FAN1: variants seen among roughly 807,000 people sequenced by gnomAD.
FAN1 encodes fanconi-associated nuclease 1.
Under a neutral mutation model 104.9 loss-of-function variants are expected in FAN1, and 91 were observed. The observed-to-expected ratio is 0.87, with a 90% CI of 0.73 to 1.03. FAN1 has a LOEUF of 1.03. Among genes scored for constraint, FAN1 ranks in the 50% least tolerant of loss-of-function variants. FAN1 has a pLI of 0.00. For synonymous variants in FAN1, 478 were observed against 457.6 expected, an observed-to-expected ratio of 1.04 and a Z score of -0.57; for missense variants, 1,263 against 1,239.9, an observed-to-expected ratio of 1.02 and a Z score of -0.28.
In FAN1 at chr15:30,905,707, C is replaced by T. The variant is rs761437826; in HGVS notation, c.1044C>T (p.Asn348=). Residue 348 remains asparagine (N), a synonymous_variant, in exon 2 of 15, where the codon AAC becomes AAT. Transcript: ENST00000362065. ...CTCTGCAGGATGACAGTTGCTTAAA[C>T]AATGATATCCCTCACAGCATTCCTT... ...EAPLQDDSCL[N]NDIPHSIPLE... is the part of the protein sequence containing the mutation. 2 of 1,614,122 alleles carry T rather than the reference C, an allele frequency of 1.2e-6. No homozygotes were observed. Among genetic ancestry groups the T allele is most frequent in the South Asian group, 2.2e-5 (2 of 91,078 alleles).
At chr15:30,906,156 T>G (rs2061974318) in intron 2 of FAN1, among the ~76,000 whole-genome samples, 1 of 152,246 alleles carries the variant, frequency 6.6e-6, no homozygotes. Context: ...TGTTTTTCTT[T>G]TATAGGTACA....
rs1192191276 is a variant in FAN1 at position 30,925,237 on chromosome 15, G to T, written c.2283G>T (p.Lys761Asn). 1 of 1,614,012 alleles carries T rather than the reference G, an allele frequency of 6.2e-7. No individual in the cohort carries two copies. The highest frequency in any genetic ancestry group is 8.5e-7 in the Non-Finnish European group (1 of 1,180,044). The stretch of plus-strand genomic sequence containing the variant: ...TGCGAGAGTCTCCGAGCTGTAAAAA[G>T]TTCAAGCACCTCTTCCAGCAGCTCC... ...VRLRESPSCKKFKHLFQQLPE... is the reference protein window; with the variant it reads ...VRLRESPSCKNFKHLFQQLPE... The change falls in exon 9 of 15, where the codon AAG (lysine) becomes AAT (asparagine). Residue 761 changes from lysine to asparagine, a missense_variant. By Grantham distance (94) the Lys-to-Asn change is moderately conservative (BLOSUM62 0). Around this residue, in one of 2 missense-constraint regions of FAN1, gnomAD observed 581 missense variants for 668.8 expected, o/e 0.87. Transcript: ENST00000362065.
rs764995404 is a variant in FAN1 at position 30,913,906 on chromosome 15, G to A, written c.1626G>A (p.Arg542=). The A allele has an allele frequency of 9.3e-6, 15 of 1,614,024 alleles. 1 individual carries two copies. The Admixed American group carries it at 1.5e-4, about 16-fold the overall frequency. The change falls in exon 5 of 15, where the codon AGG becomes AGA. Residue 542 remains arginine (R), a synonymous_variant. Transcript: ENST00000362065. ...CAGTACGAATCTGTAAAGGCCCCAG[G>A]GCTGTGTTTTCCCGCATCTTGCTAC... The part of the protein sequence containing the change: ...GQSVRICKGP[R]AVFSRILLLF...
At position 30,908,253 on chromosome 15, in the gene FAN1, A is replaced by G; in HGVS notation, c.1370A>G (p.Gln457Arg). ...IEELTNAGFL[Q>R]TESELQELSE... ...GAATTGACGAATGCAGGCTTTCTAC[A>G]GACAGGTATGACTAGTAGAAGGAGA... Residue 457 changes from glutamine (Q) to arginine (R), a missense_variant, in exon 3 of 15, where the codon CAG (glutamine) becomes CGG (arginine). This residue lies in a region of FAN1 where 682 missense variants were observed against 571.1 expected (regional missense o/e 1.19). Transcript: ENST00000362065. 2 of 1,603,496 alleles carry G rather than the reference A, an allele frequency of 1.2e-6. No individual in the cohort carries two copies. The highest frequency in any genetic ancestry group is 1.7e-6 in the Non-Finnish European group (2 of 1,175,844).
chr15:30,905,499 C>G lies in FAN1; in HGVS notation c.836C>G (p.Ser279Ter), dbSNP rs376256721. The G allele has an allele frequency of 6.2e-7, 1 of 1,613,880 alleles. No individual in the cohort carries two copies. The highest frequency in any genetic ancestry group is 2.2e-5 in the East Asian group (1 of 44,898). Residue 279 changes from serine (S) to a stop codon, truncating the protein, a stop_gained, in exon 2 of 15, where the codon TCA (serine) becomes TGA (stop). Transcript: ENST00000362065. LOFTEE classifies it high-confidence loss of function. ...FTLRNTLKST[S>*]EDSLVKQECI... ...CTTAGGAATACATTAAAGTCTACTT[C>G]AGAAGACAGTCTTGTAAAGCAAGAG...
At chr15:30,935,995 T>A (rs987864797) in intron 13 of FAN1, among the ~76,000 whole-genome samples, 2 of 152,148 alleles carry the variant, frequency 1.3e-5, no homozygotes, top group Non-Finnish European at 2.9e-5. Flanking sequence ...ATTTGGAAAA[T>A]TTTTGGCCAT....
chr15:30,933,251 A>G (rs747525230), intron 13 of FAN1, among the ~76,000 whole-genome samples: 2 of 152,142 alleles, frequency 1.3e-5, no homozygotes, highest in Non-Finnish European at 2.9e-5. Context: ...CTTTTCTAAT[A>G]GAGTTAGGTA....
intron 7 of FAN1, 31 bp from the exon 8 acceptor site, chr15:30,922,204 T>C: frequency 1.9e-6 from 3 of 1,597,144 alleles, no homozygotes; most frequent in Non-Finnish European, 2.6e-6. Context: ...TTTGTGAATC[T>C]AATGAGGTTT....
intron 8 of FAN1, 78 bp downstream of exon 8, chr15:30,922,432 T>C: frequency 7.3e-7 from 1 of 1,370,322 alleles, no homozygotes; most frequent in Non-Finnish European, 1.0e-6. Flanking sequence ...CTTAATGCCT[T>C]AAAATTTACA....
intron 11 of FAN1, 130 bp downstream of exon 11, chr15:30,928,786 C>T: frequency 6.7e-7 from 1 of 1,498,380 alleles, no homozygotes; most frequent in Non-Finnish European, 8.9e-7. Flanking sequence ...ATCCACAGGT[C>T]AAGATGATAA....
intron 10 of FAN1, chr15:30,927,883 C>CA (rs2062505084): frequency 1.0e-6 from 1 of 985,634 alleles, no homozygotes; most frequent in African/African-American, 1.7e-5. Flanking sequence ...TCTGTGACCT[C>CA]AGCACCTGAC....
rs147488785 is a variant in FAN1 at position 30,928,626 on chromosome 15, G to A, written c.2562G>A (p.Gly854=). The change falls in exon 11 of 15, where the codon GGG becomes GGA. Residue 854 remains glycine, a synonymous_variant. Coordinates refer to ENST00000362065, the MANE Select transcript of FAN1 (RefSeq NM_014967.5). The part of the protein sequence containing the change: ...LLLWDIIFMD[G]IPDVFRNACQ... The stretch of plus-strand genomic sequence containing the variant: ...TGTGGGACATCATCTTCATGGATGG[G>A]ATTCCGGATGTCTTCAGAAACGCCT... 2 of 1,613,602 alleles carry A rather than the reference G, an allele frequency of 1.2e-6. No homozygotes were observed. The highest frequency in any genetic ancestry group is 2.7e-5 in the African/African-American group (2 of 74,806).
rs376833677 is a variant in FAN1, at chr15:30,920,531, T to G, written c.1944-14T>G. 365 of 1,535,524 alleles carry G rather than the reference T, an allele frequency of 2.4e-4. No homozygotes were observed. Among genetic ancestry groups the G allele is most frequent in the Non-Finnish European group, 3.1e-4 (344 of 1,110,758 alleles). ...ACCAAATTATTAAACTACTGGTATA[T>G]GTCTTCATTTTAGATGCCACGAAGA... On this transcript the variant is annotated splice_polypyrimidine_tract_variant and intron_variant, in intron 6 of 14. Transcript: ENST00000362065.
At chr15:30,940,492 G>GTTAT (rs2063007004) in intron 14 of FAN1, 3 of 985,462 alleles carry the variant, frequency 3.0e-6, no homozygotes, top group East Asian at 1.1e-4. Flanking sequence ...AACCTCATTA[G>GTTAT]TTATTTCCAG....
chr15:30,905,777 C>A lies in FAN1; in HGVS notation c.1114C>A (p.His372Asn). 1 of 1,614,094 alleles carries A rather than the reference C, an allele frequency of 6.2e-7. No individual in the cohort carries two copies. Among genetic ancestry groups the A allele is most frequent in the East Asian group, 2.2e-5 (1 of 44,900 alleles). ...CAATGGTCCTGGTCAAACAACCGGT[C>A]ATCCTTACTACCTTCGGAGTTTCCT... ...SCNGPGQTTG[H>N]PYYLRSFLVV... Residue 372 changes from histidine (H) to asparagine (N), a missense_variant, in exon 2 of 15, where the codon CAT becomes AAT. Coordinates refer to ENST00000362065, the MANE Select transcript of FAN1 (RefSeq NM_014967.5).
At chr15:30,907,798 A>T (rs2140903091) in intron 2 of FAN1, among the ~76,000 whole-genome samples, 1 of 152,298 alleles carries the variant, frequency 6.6e-6, no homozygotes, top group South Asian at 2.1e-4. Flanking sequence ...TTGGAAAATT[A>T]TTTCAGATTA....
chr15:30,920,816 A>C (rs2062312236), intron 7 of FAN1, among the ~76,000 whole-genome samples, 163 bp downstream of exon 7: 1 of 152,098 alleles, frequency 6.6e-6, no homozygotes, highest in South Asian at 2.1e-4. Flanking sequence ...ACAGGGTCTC[A>C]CTCCATCACC....
Position 30,929,831 on chromosome 15 carries a change from T to TC in FAN1, c.2787+434_2787+435insC, listed in dbSNP as rs1211442741. ...AATATATAATATATTATATCATATA[T>TC]AATATAATATATAAAATATATATCA... On this transcript the variant is annotated intron_variant, in intron 12 of 14. Transcript: ENST00000362065. 3.1e-4 allele frequency among the ~76,000 whole-genome samples: 24 copies of TC among 77,666 alleles called. 2 individuals are homozygous for TC. The highest frequency in any genetic ancestry group is 1.6e-3 in the African/African-American group (23 of 14,642). 51.0% of individuals were successfully genotyped at this position (77,666 alleles called of 152,430 possible).
intron 14 of FAN1, chr15:30,940,089 C>T: frequency 1.0e-6 from 1 of 984,086 alleles, no homozygotes; most frequent in Non-Finnish European, 1.2e-6. Flanking sequence ...GCTAACTAGA[C>T]ACTTTACTAT....
Sources: allele counts gnomAD v4.1 joint callset (sites outside exome capture counted in the v4.1 genomes callset), GRCh38; gene constraint gnomAD v4.1.1; regional missense constraint gnomAD v4.1.1; transcripts MANE v1.5; gene names NCBI Gene and HGNC (gene_info 2026-07-23, HGNC 2026-07-21).